PTPRN2: variants seen among roughly 807,000 people sequenced by gnomAD.
PTPRN2 encodes receptor-type tyrosine-protein phosphatase N2.
Under a neutral mutation model 118.8 loss-of-function variants are expected in PTPRN2, and 74 were observed. That is an observed-to-expected ratio of 0.62 (90% CI 0.52 to 0.76). The LOEUF (loss-of-function observed/expected upper bound fraction) is 0.76, where lower values mean the gene tolerates loss of function less well. Among genes scored for constraint, PTPRN2 ranks in the 30% least tolerant of loss-of-function variants. PTPRN2 has a pLI of 0.00. For missense variants in PTPRN2, 1,481 were observed against 1,394.4 expected (o/e 1.06, Z -0.99); for synonymous variants, 641 against 608.0 (o/e 1.05, Z -0.80).
At chr7:158,205,361 G>A in intron 3 of PTPRN2, 88 bp from the exon 4 acceptor site, 1 of 929,566 alleles carries the variant, frequency 1.1e-6, no homozygotes, top group Non-Finnish European at 1.7e-6. Context: ...TTGCATTTCA[G>A]CATTAAGTTG....
intron 11 of PTPRN2, among the ~76,000 whole-genome samples, chr7:157,984,296 A>C (rs1585139356): frequency 4.8e-5 from 2 of 41,990 alleles, no homozygotes; most frequent in African/African-American, 1.1e-4. Flanking sequence ...ACCCCATCCC[A>C]CGCCAGGCTC....
intron 12 of PTPRN2, among the ~76,000 whole-genome samples, chr7:157,737,616 A>G (rs1211420629): frequency 2.0e-5 from 3 of 152,192 alleles, no homozygotes; most frequent in Non-Finnish European, 4.4e-5. Flanking sequence ...ATTCGTACTC[A>G]CGGTCCTGAG....
chr7:157,733,490 T>C lies in PTPRN2; in HGVS notation c.1789-50553A>G, dbSNP rs868843513. Reference sequence around the variant, plus strand: ...CGCCCCATGCGCCCAGCACAGTTACTCTTTTCCGTCCCATGCGCCCAGCAC... The same window carrying C: ...CGCCCCATGCGCCCAGCACAGTTACCCTTTTCCGTCCCATGCGCCCAGCAC... On this transcript the variant is annotated intron_variant, in intron 12 of 22. Coordinates refer to ENST00000389418, the MANE Select transcript of PTPRN2 (RefSeq NM_002847.5). Among the ~76,000 whole-genome samples the C allele has an allele frequency of 1.6e-3, 48 of 30,726 alleles. 1 individual carries two copies. The highest frequency in any genetic ancestry group is 4.4e-3 in the African/African-American group (32 of 7,254). 20.2% of individuals were successfully genotyped at this position (30,726 alleles called of 152,430 possible). A position where few individuals can be genotyped will look rare whatever the true frequency, so the allele number is the denominator to read the frequency against.
intron 1 of PTPRN2, among the ~76,000 whole-genome samples, chr7:158,586,909 C>T (rs1828963318): frequency 6.6e-6 from 1 of 151,906 alleles, no homozygotes; most frequent in African/African-American, 2.4e-5. Flanking sequence ...AGTGGCGGGG[C>T]TCGGGGCGTG....
chr7:158,439,307 C>T (rs934885269), intron 2 of PTPRN2, among the ~76,000 whole-genome samples: 2 of 152,230 alleles, frequency 1.3e-5, no homozygotes, highest in Non-Finnish European at 2.9e-5. Flanking sequence ...TCAGGACTTC[C>T]TGAGGCTGTA....
chr7:158,527,379 C>A (rs1563398570), intron 1 of PTPRN2, among the ~76,000 whole-genome samples: 1 of 152,220 alleles, frequency 6.6e-6, no homozygotes, highest in Non-Finnish European at 1.5e-5. Context: ...GTCTCCGTGT[C>A]CAGTCCTTGG....
intron 10 of PTPRN2, among the ~76,000 whole-genome samples, chr7:158,101,428 G>C (rs188786701): frequency 6.6e-6 from 1 of 152,172 alleles, no homozygotes; most frequent in Admixed American, 6.5e-5. Flanking sequence ...CTAGGAAATA[G>C]CATTGGAAAA....
intron 2 of PTPRN2, among the ~76,000 whole-genome samples, chr7:158,358,768 C>A (rs1434769895): frequency 1.3e-5 from 2 of 152,198 alleles, no homozygotes; most frequent in East Asian, 3.9e-4. Flanking sequence ...ACAGAAGGTA[C>A]ACTGAGTGCA....
Position 158,259,056 on chromosome 7 carries a change from C to A in PTPRN2, c.278-53783G>T, listed in dbSNP as rs568817410. On this transcript the variant is annotated intron_variant, in intron 3 of 22. Coordinates refer to ENST00000389418, the MANE Select transcript of PTPRN2 (RefSeq NM_002847.5). Reference sequence around the variant, plus strand: ...AGCAGCACCAGCAACGCCTGTGAAACCCCTTGTGCATGTCCCCGTGAGGAC... The same window carrying A: ...AGCAGCACCAGCAACGCCTGTGAAAACCCTTGTGCATGTCCCCGTGAGGAC... Among the ~76,000 whole-genome samples, 4 of 152,266 alleles carry A rather than the reference C, an allele frequency of 2.6e-5. No homozygotes were observed. The East Asian group carries it at 7.7e-4, about 29-fold the overall frequency.
At chr7:158,251,712 G>A (rs1350506609) in intron 3 of PTPRN2, among the ~76,000 whole-genome samples, 1 of 151,838 alleles carries the variant, frequency 6.6e-6, no homozygotes, top group African/African-American at 2.4e-5. Context: ...TGCAATGGAT[G>A]TCTATGGTGC....
intron 11 of PTPRN2, among the ~76,000 whole-genome samples, chr7:158,025,212 T>C (rs1807175400): frequency 6.6e-6 from 1 of 152,166 alleles, no homozygotes; most frequent in Admixed American, 6.5e-5. Context: ...CGCGCCTCCT[T>C]GTCAGTGTGA....
chr7:158,357,594 G>A (rs147029669), intron 2 of PTPRN2, among the ~76,000 whole-genome samples: 450 of 152,352 alleles, frequency 3.0e-3, no homozygotes, highest in African/African-American at 0.01. Context: ...CACAGGCACC[G>A]TCAGCTGCGG....
At chr7:157,599,102 T>C (rs1455214762) in intron 16 of PTPRN2, among the ~76,000 whole-genome samples, 32 of 151,910 alleles carry the variant, frequency 2.1e-4, no homozygotes, top group Admixed American at 2.1e-3. Context: ...CTCTGCCTCC[T>C]GGGTTCAAGC....
intron 2 of PTPRN2, among the ~76,000 whole-genome samples, chr7:158,446,140 C>T (rs60918479): frequency 0.075 from 11,452 of 152,238 alleles, 502 homozygotes; most frequent in Non-Finnish European, 0.1. Context: ...GCCCAAAGTC[C>T]GGATTCCCAG....
chr7:157,542,001 C>T (rs557691418), intron 22 of PTPRN2, among the ~76,000 whole-genome samples: 5 of 152,326 alleles, frequency 3.3e-5, no homozygotes, highest in African/African-American at 4.8e-5. Flanking sequence ...AAGGAGTCAA[C>T]TGAGCCTGGC....
chr7:157,714,402 G>A (rs1012376723), intron 12 of PTPRN2, among the ~76,000 whole-genome samples: 6 of 152,288 alleles, frequency 3.9e-5, no homozygotes, highest in African/African-American at 1.4e-4. Flanking sequence ...CTGGGCTTGC[G>A]ACCTCAGTCT....
chr7:157,775,233 C>T (rs934944153), intron 12 of PTPRN2, among the ~76,000 whole-genome samples: 1 of 152,218 alleles, frequency 6.6e-6, no homozygotes, highest in Non-Finnish European at 1.5e-5. Context: ...CGCTCTCACC[C>T]TTCGGGTCTG....
At chr7:158,151,675 TC>T (rs1305699794) in intron 6 of PTPRN2, among the ~76,000 whole-genome samples, 2 of 152,126 alleles carry the variant, frequency 1.3e-5, no homozygotes, top group Non-Finnish European at 2.9e-5. Flanking sequence ...CCCTCTTGTT[TC>T]CTTTCCCTTC....
chr7:158,345,175 A>G (rs73748219), intron 2 of PTPRN2, among the ~76,000 whole-genome samples: 3,356 of 152,270 alleles, frequency 0.022, 122 homozygotes, highest in African/African-American at 0.076. Context: ...CTGCTCAACT[A>G]TGATGGCATA....
Sources: allele counts gnomAD v4.1 joint callset (sites outside exome capture counted in the v4.1 genomes callset), GRCh38; gene constraint gnomAD v4.1.1; transcripts MANE v1.5; gene names NCBI Gene and HGNC (gene_info 2026-07-23, HGNC 2026-07-21).